The following GABRB1 variants were observed in gnomAD, a reference collection of about 807,000 sequenced individuals.
The protein encoded by GABRB1 is gamma-aminobutyric acid receptor subunit beta-1.
A neutral mutation model predicts 51.6 loss-of-function variants in GABRB1; 17 were observed. The observed-to-expected ratio is 0.33, with a 90% CI of 0.23 to 0.49. The LOEUF (loss-of-function observed/expected upper bound fraction) is 0.49, where lower values mean the gene tolerates loss of function less well. Ranked by LOEUF, GABRB1 falls within the 20% of genes least tolerant of loss-of-function variation. The pLI, the probability that GABRB1 is intolerant of heterozygous loss-of-function variation, is 0.99. For missense variants in GABRB1, 410 were observed against 600.6 expected (o/e 0.68, Z 3.32); for synonymous variants, 247 against 218.9 (o/e 1.13, Z -1.14).
At chr4:47,250,428 C>G (rs538574672) in intron 4 of GABRB1, among the ~76,000 whole-genome samples, 1 of 152,144 alleles carries the variant, frequency 6.6e-6, no homozygotes, top group African/African-American at 2.4e-5. Context: ...GACAATGTGC[C>G]TAGGCAAAGA....
At position 47,409,364 on chromosome 4, in the gene GABRB1, C is replaced by T. The variant is rs547889868; in HGVS notation, c.1080+2438C>T. Among the ~76,000 whole-genome samples, 34 of 152,236 alleles carry T rather than the reference C, an allele frequency of 2.2e-4. No homozygotes were observed. In the South Asian group the frequency reaches 5.8e-3, roughly 26 times the overall value. ...ATCTTATTGCTGGATGGAGGTGGCT[C>T]TCAGTGAGATGAATGGGGAGCTGGA... On this transcript the variant is annotated intron_variant, in intron 8 of 8. Coordinates refer to ENST00000295454, the MANE Select transcript of GABRB1 (RefSeq NM_000812.4).
At chr4:47,202,858 C>T (rs1719945688) in intron 4 of GABRB1, among the ~76,000 whole-genome samples, 1 of 152,124 alleles carries the variant, frequency 6.6e-6, no homozygotes, top group South Asian at 2.1e-4. Flanking sequence ...ACAGTGGCTT[C>T]CTGTTCAGGT....
At chr4:47,028,900 A>G (rs1725191191), upstream of GABRB1, among the ~76,000 whole-genome samples, 2 of 149,690 alleles carry the variant, frequency 1.3e-5, no homozygotes, top group South Asian at 4.2e-4. Flanking sequence ...GTATATGTAC[A>G]TAATATATCT....
At chr4:47,159,665 A>G (rs905376522) in intron 3 of GABRB1, among the ~76,000 whole-genome samples, 1 of 152,120 alleles carries the variant, frequency 6.6e-6, no homozygotes, top group Non-Finnish European at 1.5e-5. Context: ...TAAATAGTAT[A>G]AATGTTCTTC....
intron 5 of GABRB1, among the ~76,000 whole-genome samples, chr4:47,382,629 C>T (rs1306174982): frequency 3.9e-5 from 6 of 152,120 alleles, no homozygotes; most frequent in Non-Finnish European, 1.5e-5. Flanking sequence ...TCTGTACTTC[C>T]ATTTTCTCCA....
At chr4:47,410,099 T>C (rs1369693313) in intron 8 of GABRB1, among the ~76,000 whole-genome samples, 1 of 152,248 alleles carries the variant, frequency 6.6e-6, no homozygotes, top group Non-Finnish European at 1.5e-5. Flanking sequence ...ACTTTTTAAA[T>C]TTTGAATTAA....
At chr4:47,179,011 A>C (rs1425446802) in intron 4 of GABRB1, among the ~76,000 whole-genome samples, 1 of 152,034 alleles carries the variant, frequency 6.6e-6, no homozygotes, top group Non-Finnish European at 1.5e-5. Flanking sequence ...ACATGTGCAG[A>C]ACATGCAGGT....
At chr4:47,344,482 G>A (rs1168276213) in intron 5 of GABRB1, among the ~76,000 whole-genome samples, 2 of 152,124 alleles carry the variant, frequency 1.3e-5, no homozygotes, top group East Asian at 3.9e-4. Context: ...ATTGTTTTTA[G>A]TTTGGAGGAA....
intron 4 of GABRB1, among the ~76,000 whole-genome samples, chr4:47,204,557 C>T (rs1373989104): frequency 6.6e-6 from 1 of 152,104 alleles, no homozygotes; most frequent in Admixed American, 6.6e-5. Flanking sequence ...ACCCAAATCT[C>T]ATCTTGAATT....
intron 5 of GABRB1, among the ~76,000 whole-genome samples, chr4:47,343,095 T>C (rs1193171688): frequency 1.3e-5 from 2 of 151,768 alleles, no homozygotes. Flanking sequence ...TCCTGTTTAA[T>C]ATGCTTGTGC....
intron 4 of GABRB1, among the ~76,000 whole-genome samples, chr4:47,223,124 T>C (rs987922710): frequency 4.6e-5 from 7 of 152,116 alleles, no homozygotes; most frequent in Admixed American, 1.3e-4. Context: ...ATTTTTTCTA[T>C]TATCTTGAAT....
At chr4:47,155,915 T>TTATATATATATATATATATATA (rs1577958436) in intron 3 of GABRB1, among the ~76,000 whole-genome samples, 6 of 28,454 alleles carry the variant, frequency 2.1e-4, no homozygotes, top group Non-Finnish European at 5.2e-4. Flanking sequence ...AGAGGTATTT[T>TTATATATATATATATATATATA]CATATATATA....
intron 3 of GABRB1, among the ~76,000 whole-genome samples, chr4:47,145,087 A>C (rs1717102125): frequency 6.6e-6 from 1 of 152,028 alleles, no homozygotes; most frequent in South Asian, 2.1e-4. Context: ...TACAACCTAA[A>C]AGATATGGGA....
chr4:47,314,070 A>T (rs888047686), intron 4 of GABRB1, among the ~76,000 whole-genome samples: 6 of 152,142 alleles, frequency 3.9e-5, no homozygotes, highest in Admixed American at 1.3e-4. Context: ...CTAAGTTGTG[A>T]TGATTACTCA....
At chr4:47,399,079 G>T (rs1037682057) in intron 5 of GABRB1, among the ~76,000 whole-genome samples, 8 of 152,162 alleles carry the variant, frequency 5.3e-5, no homozygotes, top group Non-Finnish European at 4.4e-5. Flanking sequence ...CGTGAGCCAC[G>T]GCACCTGGCC....
At chr4:47,170,426 C>T (rs774122351) in intron 4 of GABRB1, among the ~76,000 whole-genome samples, 11 of 151,906 alleles carry the variant, frequency 7.2e-5, no homozygotes, top group East Asian at 1.9e-4. Context: ...CACGCACACA[C>T]GCACACACAC....
chr4:47,401,305 A>T (rs1483754273), intron 5 of GABRB1, among the ~76,000 whole-genome samples: 2 of 152,234 alleles, frequency 1.3e-5, no homozygotes, highest in African/African-American at 2.4e-5. Flanking sequence ...GTAGGAATGT[A>T]AATTGGCACA....
At chr4:47,320,450 C>T (rs994554634) in intron 5 of GABRB1, among the ~76,000 whole-genome samples, 2 of 152,126 alleles carry the variant, frequency 1.3e-5, no homozygotes, top group Admixed American at 6.5e-5. Flanking sequence ...CTTCTCAGAA[C>T]GTAGTTTCTC....
rs555725531 is a variant in GABRB1 at position 47,297,287 on chromosome 4, C to A, written c.462-22840C>A. 4.2e-3 allele frequency among the ~76,000 whole-genome samples: 371 copies of A among 87,444 alleles called. 8 individuals are homozygous for A. The highest frequency in any genetic ancestry group is 0.016 in the African/African-American group (346 of 21,734). The allele number at this position is 87,444 out of a possible 152,430, so 57.4% of individuals were successfully genotyped here. A position where few individuals can be genotyped will look rare whatever the true frequency, so the allele number is the denominator to read the frequency against. On this transcript the variant is annotated intron_variant, in intron 4 of 8. Transcript: ENST00000295454. Reference sequence around the variant, plus strand: ...AGCAGAACTGAAGGAAATAGAGACACAAAAACCCTTCAAAAAATTAATGAA... The same window carrying A: ...AGCAGAACTGAAGGAAATAGAGACAAAAAAACCCTTCAAAAAATTAATGAA...
Sources: allele counts gnomAD v4.1 joint callset (sites outside exome capture counted in the v4.1 genomes callset), GRCh38; gene constraint gnomAD v4.1.1; transcripts MANE v1.5; gene names NCBI Gene and HGNC (gene_info 2026-07-23, HGNC 2026-07-21).